The following SHISA9 variants were observed in gnomAD, a reference collection of about 807,000 sequenced individuals.
SHISA9 encodes shisa family member 9, also known as protein shisa-9.
A neutral mutation model predicts 38.0 loss-of-function variants in SHISA9; 13 were observed. The ratio of observed to expected loss-of-function variants is 0.34; its 90% CI spans 0.22 to 0.54. SHISA9 has a LOEUF of 0.54. Among genes scored for constraint, SHISA9 ranks in the 20% least tolerant of loss-of-function variants. The pLI, the probability that SHISA9 is intolerant of heterozygous loss-of-function variation, is 0.91. For synonymous variants in SHISA9, 275 were observed against 242.0 expected, an observed-to-expected ratio of 1.14 and a Z score of -1.27; for missense variants, 538 against 575.8, an observed-to-expected ratio of 0.93 and a Z score of 0.67.
the SHISA9 span, among the ~76,000 whole-genome samples, chr16:13,310,439 C>G: frequency 1.3e-5 from 2 of 152,130 alleles, no homozygotes; most frequent in Non-Finnish European, 2.9e-5. Flanking sequence ...TGTTCCTCCT[C>G]TGCCTTATCC....
intron 2 of SHISA9, among the ~76,000 whole-genome samples, chr16:12,967,695 T>C (rs2071998149): frequency 6.6e-6 from 1 of 150,874 alleles, no homozygotes. Context: ...ACTCTGGAGA[T>C]TGAAGATGCC....
chr16:12,926,015 C>T (rs567256198), intron 2 of SHISA9, among the ~76,000 whole-genome samples: 74 of 152,190 alleles, frequency 4.9e-4, no homozygotes, highest in Non-Finnish European at 6.8e-4. Context: ...CGTGAGCCAC[C>T]GTGCCTGGAC....
At chr16:12,936,091 G>T (rs773247162) in intron 2 of SHISA9, among the ~76,000 whole-genome samples, 1 of 152,186 alleles carries the variant, frequency 6.6e-6, no homozygotes, top group Non-Finnish European at 1.5e-5. Flanking sequence ...GTCTCTGGGA[G>T]TTCTTGAGTA....
chr16:13,234,601 A>G (rs932373509), intron 4 of SHISA9, among the ~76,000 whole-genome samples: 10 of 152,198 alleles, frequency 6.6e-5, no homozygotes, highest in African/African-American at 2.4e-4. Flanking sequence ...TACACCCAAA[A>G]GTTGTTATCG....
chr16:13,041,736 T>C (rs1319989318), intron 2 of SHISA9, among the ~76,000 whole-genome samples: 3 of 152,118 alleles, frequency 2.0e-5, no homozygotes, highest in Non-Finnish European at 4.4e-5. Context: ...TCTCAAACTG[T>C]AGGGTACATG....
the SHISA9 span, among the ~76,000 whole-genome samples, chr16:13,468,423 A>G: frequency 1.0e-3 from 159 of 152,300 alleles, 1 homozygote; most frequent in Non-Finnish European, 1.7e-3. Flanking sequence ...TTTATATCCA[A>G]TAACCACAGA....
intron 2 of SHISA9, among the ~76,000 whole-genome samples, chr16:13,090,714 T>C (rs1246497019): frequency 1.3e-5 from 2 of 152,168 alleles, no homozygotes; most frequent in Non-Finnish European, 1.5e-5. Context: ...GTGAAATGGG[T>C]CTCTTGAATA....
chr16:13,514,833 G>A, the SHISA9 span, among the ~76,000 whole-genome samples: 20,656 of 151,960 alleles, frequency 0.14, 1,774 homozygotes, highest in African/African-American at 0.24. Context: ...GATACACGTC[G>A]TAACTAAATT....
chr16:13,389,828 A>G, the SHISA9 span, among the ~76,000 whole-genome samples: 3 of 152,216 alleles, frequency 2.0e-5, no homozygotes, highest in African/African-American at 4.8e-5. Context: ...ACAATGCAAT[A>G]TCTCCACTGG....
chr16:13,379,804 T>C, the SHISA9 span, among the ~76,000 whole-genome samples: 1 of 152,174 alleles, frequency 6.6e-6, no homozygotes, highest in Admixed American at 6.5e-5. Context: ...TATGTGGTTC[T>C]GGGGATTAAA....
chr16:12,917,554 G>C (rs760084583), intron 2 of SHISA9, among the ~76,000 whole-genome samples: 13 of 152,104 alleles, frequency 8.5e-5, no homozygotes, highest in Non-Finnish European at 1.8e-4. Context: ...CCTTTCAAAG[G>C]TCTGTATATA....
chr16:13,435,859 T>C, the SHISA9 span, among the ~76,000 whole-genome samples: 2 of 152,060 alleles, frequency 1.3e-5, no homozygotes, highest in Non-Finnish European at 2.9e-5. Flanking sequence ...TGTGATTGTG[T>C]GGTAGGAAAG....
chr16:13,399,296 C>G, the SHISA9 span, among the ~76,000 whole-genome samples: 1 of 151,902 alleles, frequency 6.6e-6, no homozygotes, highest in South Asian at 2.1e-4. Flanking sequence ...TTATGTAAGA[C>G]CTGGGTCCTT....
chr16:13,241,501 C>T (rs375243137), downstream of SHISA9, among the ~76,000 whole-genome samples: 18 of 152,138 alleles, frequency 1.2e-4, no homozygotes, highest in South Asian at 4.2e-4. Context: ...AGCCAAACTC[C>T]ATCTCAAAAA....
the SHISA9 span, among the ~76,000 whole-genome samples, chr16:13,492,264 C>T: frequency 6.6e-6 from 1 of 152,118 alleles, no homozygotes; most frequent in Admixed American, 6.5e-5. Flanking sequence ...GCTGGAGCCT[C>T]TGTGTTCTCA....
At chr16:13,020,037 CT>C (rs1259119000) in intron 2 of SHISA9, among the ~76,000 whole-genome samples, 3 of 110,112 alleles carry the variant, frequency 2.7e-5, no homozygotes, top group South Asian at 2.9e-4. Context: ...CTCTTTCTTT[CT>C]TTTTTTTTGA....
chr16:13,510,428 T>C, the SHISA9 span, among the ~76,000 whole-genome samples: 126 of 152,360 alleles, frequency 8.3e-4, 1 homozygote, highest in South Asian at 5.2e-3. Context: ...CCCAAAATGA[T>C]CTGTTTTACT....
chr16:13,530,865 T>G, the SHISA9 span, among the ~76,000 whole-genome samples: 1 of 152,160 alleles, frequency 6.6e-6, no homozygotes, highest in Non-Finnish European at 1.5e-5. Context: ...GACACAACTT[T>G]AGCCAATGAG....
chr16:13,416,727 GAAGA>G, the SHISA9 span, among the ~76,000 whole-genome samples: 206 of 121,110 alleles, frequency 1.7e-3, 1 homozygote, highest in African/African-American at 5.5e-3. Context: ...AGAAAGAAAG[GAAGA>G]AAGAAAGAAA....
Sources: gnomAD v4.1 joint callset for allele counts (sites outside exome capture counted in the v4.1 genomes callset) on GRCh38, gnomAD v4.1.1 for gene constraint, MANE v1.5 for transcripts, NCBI Gene and HGNC (gene_info 2026-07-23, HGNC 2026-07-21) for gene names.